GPD1L: variants seen among roughly 807,000 people sequenced by gnomAD.
GPD1L encodes the protein glycerol-3-phosphate dehydrogenase 1 like, also known as glycerol-3-phosphate dehydrogenase 1-like protein.
Under a neutral mutation model 32.9 loss-of-function variants are expected in GPD1L, and 17 were observed. The ratio of observed to expected loss-of-function variants is 0.52; its 90% CI spans 0.35 to 0.78. The LOEUF is 0.78. Ranked by LOEUF, GPD1L falls within the 30% of genes least tolerant of loss-of-function variation. The probability of loss-of-function intolerance (pLI) is 0.01; values close to 1 mark genes in which losing one functional copy is unlikely to be tolerated. For synonymous variants in GPD1L, 187 were observed against 165.9 expected (o/e 1.13, Z -0.98); for missense variants, 361 against 447.8 (o/e 0.81, Z 1.75).
At chr3:32,109,861 A>G (rs751166611) in intron 1 of GPD1L, among the ~76,000 whole-genome samples, 7 of 152,232 alleles carry the variant, frequency 4.6e-5, no homozygotes, top group Non-Finnish European at 8.8e-5. Flanking sequence ...AGGAATTGCC[A>G]AGTGGAATGG....
rs539068850 is a variant in GPD1L, at chr3:32,115,758, C to CTTT, written c.47+9046_47+9048dup. ...CTAAACCCTTTTCGTGTACGTTGAA[C>CTTT]TTTTTTTTTTTTTTTTTTTTTTTTT... On this transcript the variant is annotated intron_variant, in intron 1 of 7. Coordinates refer to ENST00000282541, the MANE Select transcript of GPD1L (RefSeq NM_015141.4). Among the ~76,000 whole-genome samples the CTTT allele has an allele frequency of 6.7e-5, 3 of 44,994 alleles. 1 individual carries two copies. Among genetic ancestry groups the CTTT allele is most frequent in the Non-Finnish European group, 9.7e-5 (2 of 20,534 alleles). 29.5% of individuals were successfully genotyped at this position (44,994 alleles called of 152,430 possible).
Position 32,123,451 on chromosome 3 carries a change from A to G in GPD1L, c.48-4625A>G, listed in dbSNP as rs556055573. Among the ~76,000 whole-genome samples the G allele has an allele frequency of 5.3e-5, 8 of 152,328 alleles. No individual in the cohort carries two copies. In the South Asian group the frequency reaches 1.0e-3, roughly 20 times the overall value. On this transcript the variant is annotated intron_variant, in intron 1 of 7. Coordinates refer to ENST00000282541, the MANE Select transcript of GPD1L (RefSeq NM_015141.4). Reference sequence around the variant, plus strand: ...AGACATTCTGCACTCGCTCAGGACCATGAGAGTTGAAAAGGGCATGAGTGA... The same window carrying G: ...AGACATTCTGCACTCGCTCAGGACCGTGAGAGTTGAAAAGGGCATGAGTGA...
intron 2 of GPD1L, among the ~76,000 whole-genome samples, chr3:32,128,784 GA>G (rs1165648034): frequency 1.3e-5 from 2 of 152,102 alleles, no homozygotes; most frequent in African/African-American, 4.8e-5. Flanking sequence ...GCCACCTCTG[GA>G]ACTAACAAAC....
intron 1 of GPD1L, among the ~76,000 whole-genome samples, chr3:32,114,329 A>G (rs1209041820): frequency 1.3e-5 from 2 of 152,220 alleles, no homozygotes; most frequent in East Asian, 3.8e-4. Context: ...ACCTTCATGA[A>G]CTTAATAGGC....
At chr3:32,134,963 T>C (rs934503319) in intron 2 of GPD1L, among the ~76,000 whole-genome samples, 1 of 152,218 alleles carries the variant, frequency 6.6e-6, no homozygotes, top group Non-Finnish European at 1.5e-5. Context: ...GGTAGCCAGA[T>C]CGGAAAGGTA....
At chr3:32,135,069 C>T (rs1393389922) in intron 2 of GPD1L, among the ~76,000 whole-genome samples, 1 of 152,120 alleles carries the variant, frequency 6.6e-6, no homozygotes, top group Non-Finnish European at 1.5e-5. Context: ...GATGTGCAAC[C>T]CAGACCTTCA....
intron 1 of GPD1L, among the ~76,000 whole-genome samples, chr3:32,115,653 C>T (rs771670561): frequency 3.3e-5 from 5 of 152,020 alleles, no homozygotes; most frequent in Non-Finnish European, 5.9e-5. Context: ...CTAACACTGG[C>T]CATCTGGACA....
chr3:32,166,210 C>T lies in GPD1L; in HGVS notation c.*300C>T, dbSNP rs80336593. The T allele has an allele frequency of 2.4e-4, 100 of 420,044 alleles. No individual in the cohort carries two copies. Among genetic ancestry groups the T allele is most frequent in the African/African-American group, 1.7e-3 (86 of 49,606 alleles). The allele number at this position is 420,044 out of a possible 1,614,324, so 26.0% of individuals were successfully genotyped here. On this transcript the variant is annotated 3_prime_UTR_variant, in exon 8 of 8. Transcript: ENST00000282541. Reference sequence around the variant, plus strand: ...ATTGCTTATGAAATTTCCACACAATCGTAGCTTATAAGATTGGAACGATCT... The same window carrying T: ...ATTGCTTATGAAATTTCCACACAATTGTAGCTTATAAGATTGGAACGATCT...
Position 32,106,760 on chromosome 3 carries a change from T to C in GPD1L, c.47+2T>C. ...GTGCATCGTGGGCTCGGGGAACTGG[T>C]GAGCGGCGGCGGGCTGGAGGCCGGG... On this transcript the variant is annotated splice_donor_variant, in intron 1 of 7. Coordinates refer to ENST00000282541, the MANE Select transcript of GPD1L (RefSeq NM_015141.4). LOFTEE classifies it high-confidence loss of function. The surrounding 1 kb of genome is among the most constrained non-coding windows in gnomAD (Gnocchi z 4.0). 6.4e-7 allele frequency: 1 copy of C among 1,559,284 alleles called. No individual in the cohort carries two copies. The highest frequency in any genetic ancestry group is 1.8e-5 in the Admixed American group (1 of 54,470).
intron 1 of GPD1L, among the ~76,000 whole-genome samples, chr3:32,119,178 T>C (rs1377134929): frequency 6.6e-6 from 1 of 152,238 alleles, no homozygotes; most frequent in Non-Finnish European, 1.5e-5. Flanking sequence ...TTTAATTCTT[T>C]GAGGGACTGC....
chr3:32,128,184 G>T lies in GPD1L; in HGVS notation c.156G>T (p.Leu52=). The T allele has an allele frequency of 6.2e-7, 1 of 1,613,152 alleles. No individual in the cohort carries two copies. Among genetic ancestry groups the T allele is most frequent in the South Asian group, 1.1e-5 (1 of 91,042 alleles). The change falls in exon 2 of 8, where the codon CTG becomes CTT. Residue 52 remains leucine (L), a synonymous_variant. Transcript: ENST00000282541. ...AAGAAACAGTGAATGGCAGAAAACT[G>T]ACAGACATCATAAATAATGACCATG... ...VFEETVNGRK[L]TDIINNDHEN...
rs1046112738 is a variant in GPD1L at position 32,167,655 on chromosome 3, A to T, written c.*1745A>T. On this transcript the variant is annotated 3_prime_UTR_variant, in exon 8 of 8. Coordinates refer to ENST00000282541, the MANE Select transcript of GPD1L (RefSeq NM_015141.4). ...TTACAGTTACCTTACATAGCACTTG[A>T]TACGTGTTAAATGAACATATGAATG... The T allele has an allele frequency of 1.3e-5, 2 of 152,684 alleles. No individual in the cohort carries two copies. The highest frequency in any genetic ancestry group is 1.3e-4 in the Admixed American group (2 of 15,290). The allele number at this position is 152,684 out of a possible 1,614,324, so 9.5% of individuals were successfully genotyped here. A position where few individuals can be genotyped will look rare whatever the true frequency, so the allele number is the denominator to read the frequency against.
intron 7 of GPD1L, among the ~76,000 whole-genome samples, chr3:32,164,467 A>G (rs948436520): frequency 2.6e-5 from 4 of 152,234 alleles, no homozygotes. Context: ...CACACTATCC[A>G]TCTTGTGGCT....
At chr3:32,149,429 A>T (rs1032717037) in intron 5 of GPD1L, among the ~76,000 whole-genome samples, 7 of 152,204 alleles carry the variant, frequency 4.6e-5, no homozygotes, top group African/African-American at 1.7e-4. Flanking sequence ...AATTTACAAA[A>T]TGTACATTAT....
At chr3:32,130,808 C>T (rs953272367) in intron 2 of GPD1L, among the ~76,000 whole-genome samples, 1 of 151,934 alleles carries the variant, frequency 6.6e-6, no homozygotes, top group African/African-American at 2.4e-5. Flanking sequence ...AGGTCAGGAG[C>T]TCGAGACCAC....
intron 1 of GPD1L, among the ~76,000 whole-genome samples, chr3:32,116,691 A>G (rs960168796): frequency 4.6e-5 from 7 of 152,098 alleles, no homozygotes; most frequent in African/African-American, 1.7e-4. Flanking sequence ...ATTTACTACT[A>G]CTTGGACTAG....
At chr3:32,141,956 C>T (rs1700750150) in intron 4 of GPD1L, among the ~76,000 whole-genome samples, 1 of 152,124 alleles carries the variant, frequency 6.6e-6, no homozygotes, top group African/African-American at 2.4e-5. Flanking sequence ...TTTCTCTCCT[C>T]TCTAGTAGTC....
At chr3:32,134,266 G>C (rs754497538) in intron 2 of GPD1L, among the ~76,000 whole-genome samples, 9 of 152,208 alleles carry the variant, frequency 5.9e-5, no homozygotes, top group Non-Finnish European at 1.3e-4. Flanking sequence ...GAGGAATAAT[G>C]TTCTGTGAAT....
At chr3:32,109,403 G>A (rs1700215546) in intron 1 of GPD1L, among the ~76,000 whole-genome samples, 1 of 152,204 alleles carries the variant, frequency 6.6e-6, no homozygotes, top group South Asian at 2.1e-4. Context: ...GGATTTGGCT[G>A]CCTGCCCGTG....
Sources: allele counts gnomAD v4.1 joint callset (sites outside exome capture counted in the v4.1 genomes callset), GRCh38; gene constraint gnomAD v4.1.1; non-coding constraint Gnocchi (gnomAD v3.1); transcripts MANE v1.5; gene names NCBI Gene and HGNC (gene_info 2026-07-23, HGNC 2026-07-21).